The following PROX1 variants were observed in gnomAD, a reference collection of about 807,000 sequenced individuals.
PROX1 encodes the protein prospero homeobox protein 1.
PROX1 carries 7 observed loss-of-function variants against 58.8 expected under a neutral mutation model. That is an observed-to-expected ratio of 0.12 (90% CI 0.07 to 0.22). The LOEUF (loss-of-function observed/expected upper bound fraction) is 0.22, where lower values mean the gene tolerates loss of function less well. PROX1 is among the 10% of genes least tolerant of loss of function. The pLI is 1.00. For synonymous variants in PROX1, 350 were observed against 358.3 expected (o/e 0.98, Z 0.26); for missense variants, 675 against 927.8 (o/e 0.73, Z 3.54).
upstream of PROX1, among the ~76,000 whole-genome samples, chr1:213,987,108 C>A (rs972415483): frequency 3.9e-5 from 6 of 152,080 alleles, no homozygotes; most frequent in Non-Finnish European, 8.8e-5. Flanking sequence ...ATGTTTGCAA[C>A]ATATATATTT....
At chr1:214,008,426 CAAAA>C (rs112156335) in intron 3 of PROX1, among the ~76,000 whole-genome samples, 3 of 146,504 alleles carry the variant, frequency 2.0e-5, no homozygotes, top group African/African-American at 8.1e-5. Flanking sequence ...ACAACAACAA[CAAAA>C]AAAACCAGGA....
intron 3 of PROX1, among the ~76,000 whole-genome samples, chr1:214,006,420 T>C (rs1414741444): frequency 6.6e-6 from 1 of 152,190 alleles, no homozygotes. Flanking sequence ...GCCTTTTATC[T>C]TTCTCCTTCC....
chr1:214,002,586 A>G (rs1324391646), intron 2 of PROX1, among the ~76,000 whole-genome samples: 1 of 147,522 alleles, frequency 6.8e-6, no homozygotes, highest in Non-Finnish European at 1.5e-5. Context: ...ATCCCCCCTC[A>G]CCCCACTCCC....
intron 2 of PROX1, among the ~76,000 whole-genome samples, chr1:214,002,900 T>C (rs964423325): frequency 6.6e-6 from 1 of 152,212 alleles, no homozygotes; most frequent in Admixed American, 6.5e-5. Context: ...TAGAAACATA[T>C]ATTTTATGGG....
At chr1:214,011,740 GT>G in intron 4 of PROX1, 25 bp downstream of exon 4, 1 of 1,521,950 alleles carries the variant, frequency 6.6e-7, no homozygotes, top group Non-Finnish European at 8.8e-7. Flanking sequence ...TTATTTTTTG[GT>G]CATCTCCCTT....
rs1434667122 is a variant in PROX1 at position 214,036,230 on chromosome 1, T to G, written c.*396T>G. The G allele has an allele frequency of 6.4e-6, 1 of 155,862 alleles. No individual in the cohort carries two copies. Among genetic ancestry groups the G allele is most frequent in the Non-Finnish European group, 1.4e-5 (1 of 70,630 alleles). The allele number at this position is 155,862 out of a possible 1,614,324, so 9.7% of individuals were successfully genotyped here. A position where few individuals can be genotyped will look rare whatever the true frequency, so the allele number is the denominator to read the frequency against. On this transcript the variant is annotated 3_prime_UTR_variant, in exon 5 of 5. Transcript: ENST00000366958. ...AGGAAAACCCATGACACAGCACAAC[T>G]CTACAGACAGTGATGTGTCTCTTGT...
chr1:214,025,855 G>T (rs1664436537), intron 4 of PROX1, among the ~76,000 whole-genome samples: 1 of 151,800 alleles, frequency 6.6e-6, no homozygotes, highest in Non-Finnish European at 1.5e-5. Flanking sequence ...GTAGAGACGG[G>T]GTTTCACCAT....
chr1:213,997,366 C>G lies in PROX1; in HGVS notation c.831C>G (p.Asp277Glu). The G allele has an allele frequency of 6.2e-7, 1 of 1,614,112 alleles. No individual in the cohort carries two copies. Among genetic ancestry groups the G allele is most frequent in the Non-Finnish European group, 8.5e-7 (1 of 1,180,034 alleles). ...ATGAAGATGGTAACCTGTCTGAAGA[C>G]AGCATGCGCTCGGAGATCCTGGATG... Reference protein sequence around the residue: ...ENDEDGNLSEDSMRSEILDAR... With the variant: ...ENDEDGNLSEESMRSEILDAR... The change falls in exon 2 of 5, where the codon GAC (aspartate) becomes GAG (glutamate). Residue 277 changes from aspartate (D) to glutamate (E), a missense_variant. By Grantham distance (45) the Asp-to-Glu change is conservative. Coordinates refer to ENST00000366958, the MANE Select transcript of PROX1 (RefSeq NM_001270616.2). This position sits in a 1 kb window ranked among gnomAD's most constrained non-coding sequence, Gnocchi z 7.1.
intron 4 of PROX1, among the ~76,000 whole-genome samples, chr1:214,031,235 C>G (rs890474158): frequency 1.3e-5 from 2 of 152,022 alleles, no homozygotes; most frequent in Admixed American, 6.6e-5. Flanking sequence ...ATAGCCAACC[C>G]CCTTCAAATT....
chr1:214,029,297 A>G (rs1485276323), intron 4 of PROX1: 1 of 152,220 alleles, frequency 6.6e-6, no homozygotes, highest in East Asian at 1.9e-4. Context: ...ATCTAGAAAA[A>G]TACCTCGCTA....
chr1:214,032,093 G>A (rs960563884), intron 4 of PROX1, among the ~76,000 whole-genome samples: 1 of 152,032 alleles, frequency 6.6e-6, no homozygotes, highest in Non-Finnish European at 1.5e-5. Context: ...CTCCTCCAGG[G>A]CATCTTTTAT....
At chr1:213,992,473 T>A (rs115493415) in intron 1 of PROX1, among the ~76,000 whole-genome samples, 2,148 of 152,196 alleles carry the variant, frequency 0.014, 40 homozygotes, top group Middle Eastern at 0.024. Context: ...GACCATCTGA[T>A]TTTTCCCCTT....
At chr1:214,024,779 G>C (rs1558185223) in intron 4 of PROX1, among the ~76,000 whole-genome samples, 1 of 152,186 alleles carries the variant, frequency 6.6e-6, no homozygotes, top group Non-Finnish European at 1.5e-5. Context: ...CTGTGCCCCA[G>C]CTTCCCTTCA....
Position 214,038,508 on chromosome 1 carries a change from T to G in PROX1, c.*2674T>G, listed in dbSNP as rs1664901320. The G allele has an allele frequency of 6.6e-6, 1 of 151,846 alleles. No homozygotes were observed. The allele number at this position is 151,846 out of a possible 1,614,324, so 9.4% of individuals were successfully genotyped here. A position where few individuals can be genotyped will look rare whatever the true frequency, so the allele number is the denominator to read the frequency against. On this transcript the variant is annotated 3_prime_UTR_variant, in exon 5 of 5. Coordinates refer to ENST00000366958, the MANE Select transcript of PROX1 (RefSeq NM_001270616.2). ...GGATGGTGAAGGATGAGGGACAGTT[T>G]ACATAGGAAAAGAAAAAAAAAAGTC... is the stretch of plus-strand genomic sequence containing the variant.
rs1316625288 is a variant in PROX1 at position 214,040,811 on chromosome 1, T to G, written c.*4977T>G. 1 of 152,138 alleles carries G rather than the reference T, an allele frequency of 6.6e-6. No homozygotes were observed. Among genetic ancestry groups the G allele is most frequent in the Non-Finnish European group, 1.5e-5 (1 of 68,000 alleles). The allele number at this position is 152,138 out of a possible 1,614,324, so 9.4% of individuals were successfully genotyped here. On this transcript the variant is annotated 3_prime_UTR_variant, in exon 5 of 5. Coordinates refer to ENST00000366958, the MANE Select transcript of PROX1 (RefSeq NM_001270616.2). ...TCAATTGTGAATTTTTGTTGTTGTC[T>G]ATTGTTCTGAAGACTTTGCATAATT...
intron 1 of PROX1, chr1:213,989,894 T>C (rs993051044): frequency 2.0e-5 from 3 of 152,178 alleles, no homozygotes; most frequent in African/African-American, 7.2e-5. Flanking sequence ...TGGTGCTTAG[T>C]CTTAAATAGC....
rs12091447 is a variant in PROX1, at chr1:214,039,789, A to G, written c.*3955A>G. ...AGTAACACCCCCCCTTCCCATGCGC[A>G]CATGTGCGCATACACACACACACAC... is the stretch of plus-strand genomic sequence containing the variant. On this transcript the variant is annotated 3_prime_UTR_variant, in exon 5 of 5. Transcript: ENST00000366958. The G allele has an allele frequency of 0.023, 3,490 of 150,298 alleles. 53 individuals carry two copies. Among genetic ancestry groups the G allele is most frequent in the African/African-American group, 0.033 (1,321 of 40,176 alleles). 9.3% of individuals were successfully genotyped at this position (150,298 alleles called of 1,614,324 possible).
chr1:213,997,646 T>C lies in PROX1; in HGVS notation c.1111T>C (p.Phe371Leu). 6.2e-7 allele frequency: 1 copy of C among 1,614,062 alleles called. No individual in the cohort carries two copies. The highest frequency in any genetic ancestry group is 1.1e-5 in the South Asian group (1 of 91,072). Reference sequence around the variant, plus strand: ...AGTTGTGGACACTGTGGTCAAAGTCTTTTCGGCCAAGCCCTCCCGCCAGGT... The same window carrying C: ...AGTTGTGGACACTGTGGTCAAAGTCCTTTCGGCCAAGCCCTCCCGCCAGGT... ...SQVVDTVVKV[F>L]SAKPSRQVPQ... Residue 371 changes from phenylalanine to leucine, a missense_variant, in exon 2 of 5, where the codon TTT becomes CTT. Physicochemically the swap from Phe to Leu is conservative, Grantham distance 22 (BLOSUM62 0). Coordinates refer to ENST00000366958, the MANE Select transcript of PROX1 (RefSeq NM_001270616.2). The surrounding 1 kb of genome is among the most constrained non-coding windows in gnomAD (Gnocchi z 7.1).
intron 4 of PROX1, among the ~76,000 whole-genome samples, chr1:214,018,961 T>C (rs1005731805): frequency 2.0e-5 from 3 of 152,196 alleles, no homozygotes; most frequent in Non-Finnish European, 4.4e-5. Flanking sequence ...AAAGGGACAC[T>C]AGTGTAGCCA....
Sources: allele counts gnomAD v4.1 joint callset (sites outside exome capture counted in the v4.1 genomes callset), GRCh38; gene constraint gnomAD v4.1.1; non-coding constraint Gnocchi (gnomAD v3.1); transcripts MANE v1.5; gene names NCBI Gene and HGNC (gene_info 2026-07-23, HGNC 2026-07-21).